SEPTIN14: variants seen among roughly 807,000 people sequenced by gnomAD.
The protein encoded by SEPTIN14 is septin-14.
Under a neutral mutation model 53.6 loss-of-function variants are expected in SEPTIN14, and 40 were observed. That is an observed-to-expected ratio of 0.75 (90% CI 0.58 to 0.97). The LOEUF is 0.97. Among genes scored for constraint, SEPTIN14 ranks in the 50% least tolerant of loss-of-function variants. The probability of loss-of-function intolerance (pLI) is 0.00; values close to 1 mark genes in which losing one functional copy is unlikely to be tolerated. For missense variants in SEPTIN14, 471 were observed against 508.2 expected, an observed-to-expected ratio of 0.93 and a Z score of 0.70; for synonymous variants, 138 against 166.8, an observed-to-expected ratio of 0.83 and a Z score of 1.33.
At position 55,846,644 on chromosome 7, in the gene SEPTIN14, TA is replaced by T. The variant is rs771675814; in HGVS notation, c.55-8del. ...GAATATTATTTTCTTTTTGCTTAAA[TA>T]AAACAAAAATTTAGAGTTTTGTGTT... On this transcript the variant is annotated splice_region_variant and splice_polypyrimidine_tract_variant and intron_variant, in intron 2 of 9. Coordinates refer to ENST00000388975, the MANE Select transcript of SEPTIN14 (RefSeq NM_207366.3). The T allele has an allele frequency of 1.4e-6, 2 of 1,404,402 alleles. No homozygotes were observed. The highest frequency in any genetic ancestry group is 2.0e-6 in the Non-Finnish European group (2 of 1,008,188). The allele number at this position is 1,404,402 out of a possible 1,614,324, so 87.0% of individuals were successfully genotyped here.
Position 55,842,641 on chromosome 7 carries a change from G to A in SEPTIN14, c.558+301C>T, listed in dbSNP as rs577733696. On this transcript the variant is annotated intron_variant, in intron 5 of 9. Transcript: ENST00000388975. ...AAAAAAGAAAAAGAAGGCTGGGCACGGTGGCTCACACCTGTAATCCCAGCA... is the reference window on the plus strand; with the variant it reads ...AAAAAAGAAAAAGAAGGCTGGGCACAGTGGCTCACACCTGTAATCCCAGCA... Among the ~76,000 whole-genome samples, 419 of 151,082 alleles carry A rather than the reference G, an allele frequency of 2.8e-3. 5 individuals are homozygous for A. Among genetic ancestry groups the A allele is most frequent in the Middle Eastern group, 0.01 (3 of 288 alleles).
At chr7:55,848,472 T>A (rs1789457713) in intron 2 of SEPTIN14, among the ~76,000 whole-genome samples, 2 of 151,694 alleles carry the variant, frequency 1.3e-5, no homozygotes, top group Admixed American at 1.3e-4. Flanking sequence ...AATTTTTGTA[T>A]TTTTGATAGA....
intron 6 of SEPTIN14, among the ~76,000 whole-genome samples, chr7:55,825,235 G>T (rs576826976): frequency 6.6e-6 from 1 of 152,230 alleles, no homozygotes; most frequent in African/African-American, 2.4e-5. Flanking sequence ...AGTGGATGAA[G>T]CCAATCCAAA....
chr7:55,808,042 G>A (rs1256272850), intron 7 of SEPTIN14, among the ~76,000 whole-genome samples: 3 of 152,092 alleles, frequency 2.0e-5, no homozygotes, highest in Non-Finnish European at 4.4e-5. Flanking sequence ...GAGATAGACT[G>A]TATTACAATA....
chr7:55,854,596 A>AT (rs1789578449), intron 2 of SEPTIN14, among the ~76,000 whole-genome samples: 1 of 151,896 alleles, frequency 6.6e-6, no homozygotes, highest in South Asian at 2.1e-4. Context: ...CGCCCGGCTA[A>AT]TTTTTTGTAT....
At chr7:55,829,337 C>G (rs1789050043) in intron 6 of SEPTIN14, among the ~76,000 whole-genome samples, 1 of 150,076 alleles carries the variant, frequency 6.7e-6, no homozygotes, top group South Asian at 2.1e-4. Flanking sequence ...CAAGATCGTG[C>G]CACTGAACCC....
rs1371793998 is a variant in SEPTIN14 at position 55,846,650 on chromosome 7, A to G, written c.55-13T>C. 7.5e-7 allele frequency: 1 copy of G among 1,338,064 alleles called. No individual in the cohort carries two copies. The highest frequency in any genetic ancestry group is 1.1e-6 in the Non-Finnish European group (1 of 948,482). The allele number at this position is 1,338,064 out of a possible 1,614,324, so 82.9% of individuals were successfully genotyped here. The stretch of plus-strand genomic sequence containing the variant: ...TATTTTCTTTTTGCTTAAATAAAAC[A>G]AAAATTTAGAGTTTTGTGTTAGAAT... On this transcript the variant is annotated splice_polypyrimidine_tract_variant and intron_variant, in intron 2 of 9. Coordinates refer to ENST00000388975, the MANE Select transcript of SEPTIN14 (RefSeq NM_207366.3).
intron 7 of SEPTIN14, among the ~76,000 whole-genome samples, chr7:55,816,925 T>C (rs896922764): frequency 9.9e-5 from 15 of 152,146 alleles, no homozygotes; most frequent in Non-Finnish European, 4.4e-5. Context: ...TTGGTGGCAA[T>C]GTAAATTAGG....
At chr7:55,843,897 G>A (rs1789357890) in intron 4 of SEPTIN14, among the ~76,000 whole-genome samples, 1 of 152,208 alleles carries the variant, frequency 6.6e-6, no homozygotes, top group Non-Finnish European at 1.5e-5. Context: ...CACTTTGGAA[G>A]GCCAAGGTAG....
chr7:55,846,137 AAAAG>A (rs1428640086), intron 3 of SEPTIN14, among the ~76,000 whole-genome samples: 3 of 142,108 alleles, frequency 2.1e-5, no homozygotes, highest in African/African-American at 7.6e-5. Flanking sequence ...ACATAATGGA[AAAAG>A]AAAGTATATA....
intron 2 of SEPTIN14, among the ~76,000 whole-genome samples, chr7:55,851,416 T>TTG (rs35247593): frequency 3.2e-5 from 3 of 93,718 alleles, no homozygotes; most frequent in Admixed American, 1.1e-4. Flanking sequence ...CTGCATGGAG[T>TTG]TTTTTTTTTT....
intron 6 of SEPTIN14, among the ~76,000 whole-genome samples, chr7:55,833,819 TAATAA>T (rs1490768153): frequency 6.6e-6 from 1 of 152,020 alleles, no homozygotes; most frequent in Non-Finnish European, 1.5e-5. Flanking sequence ...GAGAATATGT[TAATAA>T]AATAAGAAAT....
chr7:55,848,530 C>CA (rs1386850647), intron 2 of SEPTIN14, among the ~76,000 whole-genome samples: 2 of 151,612 alleles, frequency 1.3e-5, no homozygotes, highest in African/African-American at 4.8e-5. Context: ...TTCCTGAGCT[C>CA]AAACAATCCT....
intron 7 of SEPTIN14, among the ~76,000 whole-genome samples, chr7:55,813,991 T>G (rs544497473): frequency 6.6e-6 from 1 of 151,948 alleles, no homozygotes; most frequent in African/African-American, 2.4e-5. Context: ...GCCACAGGAG[T>G]GATGATGTCA....
At position 55,830,341 on chromosome 7, in the gene SEPTIN14, A is replaced by ATT. The variant is rs1789082534; in HGVS notation, c.720+4083_720+4084insAA. ...CAACTGTATATATATATATATATAT[A>ATT]TATATATATTTTTTTTTTTTTTTGA... On this transcript the variant is annotated intron_variant, in intron 6 of 9. Transcript: ENST00000388975. Among the ~76,000 whole-genome samples, 6 of 32,276 alleles carry ATT rather than the reference A, an allele frequency of 1.9e-4. 1 individual carries two copies. The highest frequency in any genetic ancestry group is 3.1e-4 in the Non-Finnish European group (6 of 19,212). 21.2% of individuals were successfully genotyped at this position (32,276 alleles called of 152,430 possible).
At chr7:55,806,169 T>C (rs188013591) in intron 8 of SEPTIN14, among the ~76,000 whole-genome samples, 173 of 152,092 alleles carry the variant, frequency 1.1e-3, no homozygotes, top group Non-Finnish European at 2.1e-3. Context: ...AGCTAATTTT[T>C]TTTGTATTTT....
chr7:55,830,321 G>GTATATATATATATATA (rs746498199), intron 6 of SEPTIN14, among the ~76,000 whole-genome samples: 7 of 84,708 alleles, frequency 8.3e-5, no homozygotes, highest in African/African-American at 3.3e-4. Context: ...TTATCCAACT[G>GTATATATATATATATA]TATATATATA....
chr7:55,845,421 T>A (rs1251851955), intron 3 of SEPTIN14, among the ~76,000 whole-genome samples: 2 of 152,182 alleles, frequency 1.3e-5, no homozygotes, highest in Non-Finnish European at 2.9e-5. Context: ...TGGATGGAGC[T>A]AGAGGCCATC....
chr7:55,826,613 C>T (rs1030513153), intron 6 of SEPTIN14, among the ~76,000 whole-genome samples: 1 of 152,122 alleles, frequency 6.6e-6, no homozygotes, highest in African/African-American at 2.4e-5. Context: ...GCCTGGCCAA[C>T]ATGGCAAAAC....
Sources: gnomAD v4.1 joint callset for allele counts (sites outside exome capture counted in the v4.1 genomes callset) on GRCh38, gnomAD v4.1.1 for gene constraint, MANE v1.5 for transcripts, NCBI Gene and HGNC (gene_info 2026-07-23, HGNC 2026-07-21) for gene names.